Variants in CLDN16 observed in about 807,000 individuals in gnomAD.
CLDN16 encodes claudin-16.
A neutral mutation model predicts 24.6 loss-of-function variants in CLDN16; 13 were observed. The observed-to-expected ratio is 0.53, with a 90% CI of 0.34 to 0.84. CLDN16 has a LOEUF of 0.84. Among genes scored for constraint, CLDN16 ranks in the 40% least tolerant of loss-of-function variants. CLDN16 has a pLI of 0.01. For missense variants in CLDN16, 298 were observed against 292.7 expected (o/e 1.02, Z -0.13); for synonymous variants, 116 against 106.7 (o/e 1.09, Z -0.54).
At chr3:190,354,122 T>A (rs1186620210) in intron 1 of CLDN16, among the ~76,000 whole-genome samples, 3 of 150,536 alleles carry the variant, frequency 2.0e-5, no homozygotes, top group African/African-American at 7.3e-5. Flanking sequence ...CTGTATTGAA[T>A]CTCTCTCTCT....
At chr3:190,333,516 C>T (rs1386136177) in intron 1 of CLDN16, among the ~76,000 whole-genome samples, 2 of 147,336 alleles carry the variant, frequency 1.4e-5, no homozygotes, top group Non-Finnish European at 3.0e-5. Context: ...GTAGCTAAAA[C>T]AATTATCAGT....
chr3:190,372,157 A>T (rs1003787495), intron 2 of CLDN16, among the ~76,000 whole-genome samples: 1 of 151,918 alleles, frequency 6.6e-6, no homozygotes, highest in African/African-American at 2.4e-5. Context: ...TGAGTCTTGT[A>T]TTTGGACAGC....
In CLDN16 at chr3:190,410,228, C is replaced by A. The variant is rs969808380; in HGVS notation, c.*192C>A. 21 of 638,772 alleles carry A rather than the reference C, an allele frequency of 3.3e-5. No homozygotes were observed. In the African/African-American group the frequency reaches 3.6e-4, roughly 11 times the overall value. The allele number at this position is 638,772 out of a possible 1,614,324, so 39.6% of individuals were successfully genotyped here. A position where few individuals can be genotyped will look rare whatever the true frequency, so the allele number is the denominator to read the frequency against. ...CTCTTATATTTTCCCGTCATTCTCT[C>A]TGCTAACCTTCCACCTTATGCACAC... On this transcript the variant is annotated 3_prime_UTR_variant, in exon 5 of 5. Transcript: ENST00000264734.
chr3:190,350,343 GTTATATAT>G (rs1560085133), intron 1 of CLDN16, among the ~76,000 whole-genome samples: 3 of 97,356 alleles, frequency 3.1e-5, no homozygotes, highest in Middle Eastern at 4.6e-3. Flanking sequence ...AGTTCATAAT[GTTATATAT>G]ATATATATAT....
chr3:190,409,967 C>T lies in CLDN16; in HGVS notation c.639C>T (p.Ser213=), dbSNP rs761606829. The change falls in exon 5 of 5, where the codon TCC becomes TCT. Residue 213 remains serine (S), a synonymous_variant. Coordinates refer to ENST00000264734, the MANE Select transcript of CLDN16 (RefSeq NM_006580.4). ...AAGCCTATTCAGCCGCGGGTGTTTC[C>T]ATGGCCAAGTCATACTCAGCCCCTC... ...LRKAYSAAGV[S]MAKSYSAPRT... 5.9e-5 allele frequency: 95 copies of T among 1,613,896 alleles called. No homozygotes were observed. Among genetic ancestry groups the T allele is most frequent in the Non-Finnish European group, 8.0e-5 (94 of 1,179,962 alleles).
intron 1 of CLDN16, among the ~76,000 whole-genome samples, chr3:190,343,195 G>A (rs1004207234): frequency 6.6e-6 from 1 of 152,088 alleles, no homozygotes; most frequent in African/African-American, 2.4e-5. Context: ...TTGCCAACAA[G>A]TGTATGAAAA....
chr3:190,339,536 T>G (rs1295544210), intron 1 of CLDN16, among the ~76,000 whole-genome samples: 1 of 152,202 alleles, frequency 6.6e-6, no homozygotes, highest in South Asian at 2.1e-4. Context: ...TTTCATAGAT[T>G]ATGGTAATAG....
intron 1 of CLDN16, among the ~76,000 whole-genome samples, chr3:190,390,219 T>C (rs1029664267): frequency 6.6e-6 from 1 of 152,184 alleles, no homozygotes; most frequent in East Asian, 1.9e-4. Context: ...TGTATTGCTA[T>C]AATATTCCCA....
Position 190,380,733 on chromosome 3 carries a change from C to T in CLDN16, n.306+6130C>T, listed in dbSNP as rs181260150. ...CAGAGGTTGCAGTGGTCTGAGATCG[C>T]GCCATTGCACTCCAGCCTGGGCGAC... is the stretch of plus-strand genomic sequence containing the variant. On this transcript the variant is annotated intron_variant and non_coding_transcript_variant, in intron 3 of 4. Transcript: ENST00000468220. 1.3e-3 allele frequency among the ~76,000 whole-genome samples: 198 copies of T among 152,010 alleles called. 1 individual carries two copies. Among genetic ancestry groups the T allele is most frequent in the African/African-American group, 4.5e-3 (185 of 41,470 alleles).
chr3:190,311,552 A>T, the CLDN16 span, among the ~76,000 whole-genome samples: 1 of 151,998 alleles, frequency 6.6e-6, no homozygotes, highest in Non-Finnish European at 1.5e-5. Context: ...AATAAAGTCT[A>T]TTCTAGTTTT....
At chr3:190,347,846 C>T (rs1206259380) in intron 1 of CLDN16, among the ~76,000 whole-genome samples, 2 of 151,840 alleles carry the variant, frequency 1.3e-5, no homozygotes, top group Non-Finnish European at 2.9e-5. Context: ...TGCACAAAAG[C>T]CCAGAAGCAG....
chr3:190,371,370 A>G (rs536045291), intron 2 of CLDN16, among the ~76,000 whole-genome samples: 1 of 151,938 alleles, frequency 6.6e-6, no homozygotes, highest in East Asian at 1.9e-4. Context: ...ATTTCTTTTT[A>G]GTTTCTCTGA....
chr3:190,397,086 T>C (rs562552225), intron 1 of CLDN16, among the ~76,000 whole-genome samples: 8 of 152,260 alleles, frequency 5.3e-5, no homozygotes, highest in African/African-American at 1.9e-4. Context: ...TGACCAAGTT[T>C]CTAAGGGAAC....
At chr3:190,391,142 A>AT (rs1718649045) in intron 1 of CLDN16, among the ~76,000 whole-genome samples, 1 of 144,740 alleles carries the variant, frequency 6.9e-6, no homozygotes, top group Non-Finnish European at 1.6e-5. Flanking sequence ...TTTTGTTTTG[A>AT]TTTTTTAAGA....
intron 2 of CLDN16, among the ~76,000 whole-genome samples, chr3:190,372,782 G>A (rs1718169199): frequency 6.6e-6 from 1 of 151,858 alleles, no homozygotes; most frequent in Admixed American, 6.6e-5. Flanking sequence ...AAACATAAAA[G>A]CAGTCATTTG....
Position 190,352,714 on chromosome 3 carries a change from C to T in CLDN16, n.122-18179C>T, listed in dbSNP as rs138071182. 1.7e-3 allele frequency among the ~76,000 whole-genome samples: 255 copies of T among 151,892 alleles called. 3 individuals carry two copies. Among genetic ancestry groups the T allele is most frequent in the African/African-American group, 5.0e-3 (206 of 41,444 alleles). On this transcript the variant is annotated intron_variant and non_coding_transcript_variant, in intron 1 of 4. Transcript: ENST00000468220. ...CTAGAACATCAAAAGGTCCTTGAAA[C>T]ATTGCAGTTGCTTTCAGAATAGTTT...
chr3:190,351,792 A>T (rs76068085), intron 1 of CLDN16, among the ~76,000 whole-genome samples: 2,332 of 152,258 alleles, frequency 0.015, 51 homozygotes, highest in African/African-American at 0.054. Flanking sequence ...TCAAAAAATC[A>T]CAAAAACTTA....
chr3:190,292,768 G>T, the CLDN16 span, among the ~76,000 whole-genome samples: 1 of 152,192 alleles, frequency 6.6e-6, no homozygotes, highest in African/African-American at 2.4e-5. Flanking sequence ...CATAGCAAAA[G>T]TGATCTTCAT....
chr3:190,337,812 C>T (rs1181594439), intron 1 of CLDN16, among the ~76,000 whole-genome samples: 3 of 152,178 alleles, frequency 2.0e-5, no homozygotes, highest in Non-Finnish European at 4.4e-5. Context: ...GATAGCATCT[C>T]ATACAATATC....
Sources: allele counts gnomAD v4.1 joint callset (sites outside exome capture counted in the v4.1 genomes callset), GRCh38; gene constraint gnomAD v4.1.1; transcripts MANE v1.5; gene names NCBI Gene and HGNC (gene_info 2026-07-23, HGNC 2026-07-21).